Variants in MICAL3 observed in about 807,000 individuals in gnomAD.
MICAL3 encodes the protein [F-actin]-monooxygenase MICAL3.
Under a neutral mutation model 207.4 loss-of-function variants are expected in MICAL3, and 62 were observed. That is an observed-to-expected ratio of 0.30 (90% CI 0.24 to 0.37). The LOEUF is 0.37. MICAL3 is among the 10% of genes least tolerant of loss of function. MICAL3 has a pLI of 1.00. For synonymous variants in MICAL3, 1,077 were observed against 1,069.3 expected (o/e 1.01, Z -0.14); for missense variants, 2,368 against 2,635.6 (o/e 0.90, Z 2.22).
intron 1 of MICAL3, among the ~76,000 whole-genome samples, chr22:17,952,704 C>T (rs1307887004): frequency 6.7e-6 from 1 of 149,682 alleles, no homozygotes; most frequent in Non-Finnish European, 1.5e-5. Context: ...GGCGGGGCGT[C>T]AGAGAGGCCA....
At chr22:17,920,277 A>G (rs1157165540) in intron 1 of MICAL3, among the ~76,000 whole-genome samples, 1 of 152,220 alleles carries the variant, frequency 6.6e-6, no homozygotes, top group Non-Finnish European at 1.5e-5. Flanking sequence ...CTCCACCCAT[A>G]GGTGGGGCCC....
At chr22:17,872,374 A>G (rs935004691) in intron 16 of MICAL3, among the ~76,000 whole-genome samples, 2 of 152,124 alleles carry the variant, frequency 1.3e-5, no homozygotes, top group African/African-American at 4.8e-5. Context: ...AGAGTCTTAG[A>G]GAAAGAGCAA....
At chr22:18,017,997 G>C (rs1924178166) in intron 1 of MICAL3, among the ~76,000 whole-genome samples, 2 of 151,792 alleles carry the variant, frequency 1.3e-5, no homozygotes, top group African/African-American at 4.8e-5. Flanking sequence ...TGATCCACCT[G>C]CCTCGGCCTC....
Position 17,951,983 on chromosome 22 carries a change from G to C in MICAL3, c.-74-45097C>G, listed in dbSNP as rs144451953. ...AAGTGCTGGGATTACAGGCGTGAGC[G>C]ACTGTGCCGGGCGTAAAATTTCTTA... On this transcript the variant is annotated intron_variant, in intron 1 of 31. Transcript: ENST00000441493. Among the ~76,000 whole-genome samples the C allele has an allele frequency of 4.7e-3, 710 of 152,170 alleles. 5 individuals carry two copies. The highest frequency in any genetic ancestry group is 0.016 in the African/African-American group (662 of 41,516).
At chr22:17,852,740 C>G (rs1297336024) in intron 19 of MICAL3, among the ~76,000 whole-genome samples, 1 of 152,208 alleles carries the variant, frequency 6.6e-6, no homozygotes, top group Non-Finnish European at 1.5e-5. Context: ...TACCTGGCTC[C>G]TACTCACATT....
At chr22:17,872,857 A>C (rs1376405184) in intron 16 of MICAL3, 1 of 1,572,332 alleles carries the variant, frequency 6.4e-7, no homozygotes, top group Non-Finnish European at 8.8e-7. Flanking sequence ...ATATACTTCT[A>C]TCGGTTGAAG....
At chr22:17,990,153 G>A (rs1474448857) in intron 1 of MICAL3, among the ~76,000 whole-genome samples, 1 of 152,192 alleles carries the variant, frequency 6.6e-6, no homozygotes, top group Non-Finnish European at 1.5e-5. Context: ...GAGTGAGCTA[G>A]AGAGCAGGCT....
chr22:17,893,073 A>G (rs2146237336), intron 11 of MICAL3, among the ~76,000 whole-genome samples: 1 of 152,296 alleles, frequency 6.6e-6, no homozygotes, highest in Non-Finnish European at 1.5e-5. Flanking sequence ...GAGCTATTCA[A>G]TCACCTCTTC....
At chr22:17,897,041 T>C (rs1930905805) in intron 7 of MICAL3, 60 bp from the exon 8 acceptor site, 6 of 1,535,568 alleles carry the variant, frequency 3.9e-6, no homozygotes, top group Admixed American at 1.9e-5. Flanking sequence ...GCCAGAACCA[T>C]GTTACACAAC....
chr22:17,878,176 C>T (rs1294221380), intron 16 of MICAL3, among the ~76,000 whole-genome samples: 7 of 152,176 alleles, frequency 4.6e-5, no homozygotes, highest in Non-Finnish European at 7.3e-5. Flanking sequence ...TTCTTTTAGG[C>T]GCTGTTTCAT....
At chr22:17,981,177 C>T (rs1265904280) in intron 1 of MICAL3, among the ~76,000 whole-genome samples, 1 of 152,062 alleles carries the variant, frequency 6.6e-6, no homozygotes, top group Admixed American at 6.5e-5. Context: ...AAATATATAT[C>T]ATAAAATACA....
chr22:17,871,704 A>C, intron 17 of MICAL3, 133 bp downstream of exon 17: 1 of 758,480 alleles, frequency 1.3e-6, no homozygotes, highest in Non-Finnish European at 2.1e-6. Flanking sequence ...GAGGGGCAAG[A>C]AAGGCTGGGA....
At chr22:17,834,658 G>A (rs1923172672) in intron 20 of MICAL3, 5 of 990,572 alleles carry the variant, frequency 5.0e-6, no homozygotes, top group African/African-American at 3.5e-5. Flanking sequence ...ACACAAGCAC[G>A]GTGGGCGGAG....
At chr22:17,980,508 G>T (rs35035092) in intron 1 of MICAL3, among the ~76,000 whole-genome samples, 24,067 of 152,174 alleles carry the variant, frequency 0.16, 2,427 homozygotes, top group Middle Eastern at 0.24. Flanking sequence ...TCAGCTCCTG[G>T]AAAACCATCA....
intron 19 of MICAL3, among the ~76,000 whole-genome samples, chr22:17,851,363 G>T (rs1249494994): frequency 6.6e-6 from 1 of 152,120 alleles, no homozygotes; most frequent in African/African-American, 2.4e-5. Flanking sequence ...CCCTTGAAGG[G>T]CTTTTATACA....
At chr22:17,830,976 TG>T (rs1359431310) in intron 21 of MICAL3, among the ~76,000 whole-genome samples, 1 of 152,172 alleles carries the variant, frequency 6.6e-6, no homozygotes, top group Admixed American at 6.5e-5. Context: ...CGGATGGGAC[TG>T]GGCAGCAAGC....
chr22:17,824,046 C>T (rs737831), intron 22 of MICAL3, among the ~76,000 whole-genome samples: 38,770 of 151,986 alleles, frequency 0.26, 5,521 homozygotes, highest in Non-Finnish European at 0.33. Context: ...GCAAAACCCT[C>T]GACAACTTCC....
intron 27 of MICAL3, among the ~76,000 whole-genome samples, chr22:17,816,196 C>A (rs1920992861): frequency 1.3e-5 from 2 of 152,232 alleles, no homozygotes; most frequent in Admixed American, 1.3e-4. Context: ...GACCTAGCAG[C>A]CCTGCAGGTC....
chr22:17,807,746 ATGG>A (rs1466352799), intron 29 of MICAL3, among the ~76,000 whole-genome samples: 1 of 152,160 alleles, frequency 6.6e-6, no homozygotes, highest in African/African-American at 2.4e-5. Flanking sequence ...CCATGAGCCC[ATGG>A]GTCAGTCTTT....
Sources: gnomAD v4.1 joint callset for allele counts (sites outside exome capture counted in the v4.1 genomes callset) on GRCh38, gnomAD v4.1.1 for gene constraint, MANE v1.5 for transcripts, NCBI Gene and HGNC (gene_info 2026-07-23, HGNC 2026-07-21) for gene names.